The following THRAP3 variants were observed in gnomAD, a reference collection of about 807,000 sequenced individuals.
THRAP3 encodes the protein thyroid hormone receptor associated protein 3, also known as thyroid hormone receptor-associated protein 3.
THRAP3 carries 16 observed loss-of-function variants against 101.0 expected under a neutral mutation model. The observed-to-expected ratio is 0.16, with a 90% CI of 0.11 to 0.24. THRAP3 has a LOEUF of 0.24. THRAP3 is among the 10% of genes least tolerant of loss of function. The pLI is 1.00. For missense variants in THRAP3, 989 were observed against 1,202.7 expected (o/e 0.82, Z 2.63); for synonymous variants, 407 against 422.6 (o/e 0.96, Z 0.45).
chr1:36,259,126 T>G (rs1309697078), intron 1 of THRAP3, among the ~76,000 whole-genome samples: 1 of 152,202 alleles, frequency 6.6e-6, no homozygotes, highest in Non-Finnish European at 1.5e-5. Flanking sequence ...ATGAAAACCT[T>G]AGCACCTGAA....
chr1:36,263,040 G>C (rs1187841195), intron 2 of THRAP3, among the ~76,000 whole-genome samples: 1 of 137,158 alleles, frequency 7.3e-6, no homozygotes, highest in Non-Finnish European at 1.5e-5. Flanking sequence ...TCTATCTCCT[G>C]ACCTCGTGAT....
the THRAP3 span, among the ~76,000 whole-genome samples, chr1:36,217,137 G>C: frequency 1.3e-5 from 2 of 152,168 alleles, no homozygotes; most frequent in East Asian, 3.8e-4. Context: ...GGAACTCAAA[G>C]CCTCATGGAG....
chr1:36,268,236 A>G (rs1346767499), intron 2 of THRAP3, among the ~76,000 whole-genome samples: 2 of 152,058 alleles, frequency 1.3e-5, no homozygotes, highest in African/African-American at 4.8e-5. Flanking sequence ...GACAGAAAAA[A>G]GGTCAGCATC....
chr1:36,233,441 G>A (rs1645051367), intron 1 of THRAP3, among the ~76,000 whole-genome samples: 1 of 151,666 alleles, frequency 6.6e-6, no homozygotes, highest in South Asian at 2.1e-4. Context: ...GGGAGGGGGA[G>A]CTTGCAGTGA....
the THRAP3 span, among the ~76,000 whole-genome samples, chr1:36,211,453 A>T: frequency 1.3e-5 from 2 of 152,198 alleles, no homozygotes; most frequent in South Asian, 4.1e-4. Context: ...TGGGAGGATC[A>T]CTTGGGCCCA....
chr1:36,303,112 AT>A (rs397936228), intron 11 of THRAP3, among the ~76,000 whole-genome samples: 4,501 of 125,160 alleles, frequency 0.036, 148 homozygotes, highest in African/African-American at 0.12. Flanking sequence ...TGCCTGGCTA[AT>A]TTTTTTTTTT....
intron 8 of THRAP3, among the ~76,000 whole-genome samples, chr1:36,295,863 A>T (rs143517143): frequency 4.1e-5 from 6 of 145,654 alleles, no homozygotes; most frequent in African/African-American, 5.0e-5. Context: ...CAGTATAGGT[A>T]GGGGAAGGTG....
intron 2 of THRAP3, among the ~76,000 whole-genome samples, 168 bp from the exon 3 acceptor site, chr1:36,282,365 C>T (rs1001490993): frequency 3.3e-5 from 5 of 151,258 alleles, no homozygotes; most frequent in African/African-American, 7.3e-5. Context: ...ACTACAGGAA[C>T]GCACCACTGT....
chr1:36,301,784 C>G, intron 11 of THRAP3, 88 bp downstream of exon 11: 2 of 1,500,800 alleles, frequency 1.3e-6, no homozygotes, highest in Non-Finnish European at 1.8e-6. Flanking sequence ...TTGTCCAAAA[C>G]TGCGATTAAA....
At chr1:36,293,092 A>G (rs565859387) in intron 7 of THRAP3, among the ~76,000 whole-genome samples, 1 of 128,802 alleles carries the variant, frequency 7.8e-6, no homozygotes, top group South Asian at 2.6e-4. Flanking sequence ...GCAGTGATGC[A>G]ATCTCGGCTC....
the THRAP3 span, among the ~76,000 whole-genome samples, chr1:36,209,483 T>G: frequency 6.6e-6 from 1 of 152,178 alleles, no homozygotes; most frequent in East Asian, 1.9e-4. Context: ...ATGCTCGGGG[T>G]TGTGACAACC....
intron 2 of THRAP3, among the ~76,000 whole-genome samples, chr1:36,271,371 C>T (rs1645588936): frequency 6.6e-6 from 1 of 152,132 alleles, no homozygotes; most frequent in Non-Finnish European, 1.5e-5. Flanking sequence ...CAACCTCCGC[C>T]TCCCGGGTTC....
intron 3 of THRAP3, among the ~76,000 whole-genome samples, chr1:36,285,163 T>C (rs1645779538): frequency 6.6e-6 from 1 of 152,202 alleles, no homozygotes; most frequent in African/African-American, 2.4e-5. Flanking sequence ...ACTGGAGTTA[T>C]TTGGAAAAAA....
intron 1 of THRAP3, among the ~76,000 whole-genome samples, chr1:36,253,121 C>T (rs1038489004): frequency 4.0e-5 from 6 of 148,980 alleles, no homozygotes; most frequent in South Asian, 2.1e-4. Flanking sequence ...GCTGATCTGT[C>T]GTGAAGTTTT....
At chr1:36,301,236 C>A in intron 10 of THRAP3, 152 bp downstream of exon 10, 2 of 882,830 alleles carry the variant, frequency 2.3e-6, no homozygotes, top group Non-Finnish European at 3.4e-6. Flanking sequence ...CATTTCCTGG[C>A]CTTTCCATTT....
chr1:36,293,740 C>T (rs1441942090), intron 7 of THRAP3, 111 bp from the exon 8 acceptor site: 7 of 826,898 alleles, frequency 8.5e-6, no homozygotes, highest in East Asian at 5.9e-5. Flanking sequence ...AGTCATGAAA[C>T]GTAAGGAAAA....
chr1:36,265,363 T>G (rs1346549952), intron 2 of THRAP3, among the ~76,000 whole-genome samples: 2 of 152,078 alleles, frequency 1.3e-5, no homozygotes, highest in East Asian at 3.9e-4. Context: ...TTTACACTGT[T>G]AACCAATACA....
intron 10 of THRAP3, 74 bp downstream of exon 10, chr1:36,301,158 C>A: frequency 6.9e-7 from 1 of 1,456,304 alleles, no homozygotes; most frequent in East Asian, 2.4e-5. Flanking sequence ...CATCAGAATA[C>A]CAGTTTTGTT....
chr1:36,255,589 T>G (rs895190353), intron 1 of THRAP3, among the ~76,000 whole-genome samples: 1 of 151,512 alleles, frequency 6.6e-6, no homozygotes, highest in Non-Finnish European at 1.5e-5. Flanking sequence ...GGTAACATGG[T>G]GAAACCCTGT....
Sources: allele counts gnomAD v4.1 joint callset (sites outside exome capture counted in the v4.1 genomes callset), GRCh38; gene constraint gnomAD v4.1.1; transcripts MANE v1.5; gene names NCBI Gene and HGNC (gene_info 2026-07-23, HGNC 2026-07-21).